ALDH1A1: variants seen among roughly 807,000 people sequenced by gnomAD.
ALDH1A1 encodes the protein aldehyde dehydrogenase 1 family member A1.
In ALDH1A1, 19 loss-of-function variants were observed where a neutral mutation model predicts 62.1. The observed-to-expected ratio is 0.31, with a 90% CI of 0.21 to 0.45. The LOEUF is 0.45. Among genes scored for constraint, ALDH1A1 ranks in the 20% least tolerant of loss-of-function variants. The pLI is 1.00. For missense variants in ALDH1A1, 521 were observed against 607.1 expected (o/e 0.86, Z 1.49); for synonymous variants, 231 against 215.9 (o/e 1.07, Z -0.61).
Position 72,924,082 on chromosome 9 carries a change from T to C in ALDH1A1, c.684A>G (p.Thr228=). Residue 228 remains threonine (T), a synonymous_variant, in exon 7 of 13, where the codon ACA becomes ACG. Transcript: ENST00000297785. ...VVNIVPGYGP[T]AGAAISSHMD... Reference sequence around the variant, plus strand: ...TGTGAGAAGAAATGGCTGCCCCTGCTGTAGGCCCATAACCAGGAACAATAT... The same window carrying C: ...TGTGAGAAGAAATGGCTGCCCCTGCCGTAGGCCCATAACCAGGAACAATAT... 1 of 1,613,470 alleles carries C rather than the reference T, an allele frequency of 6.2e-7. No homozygotes were observed. The highest frequency in any genetic ancestry group is 1.1e-5 in the South Asian group (1 of 91,034).
At chr9:72,911,397 T>C (rs1291643770) in intron 10 of ALDH1A1, among the ~76,000 whole-genome samples, 4 of 152,176 alleles carry the variant, frequency 2.6e-5, no homozygotes, top group Admixed American at 6.5e-5. Flanking sequence ...CTTAGCAATA[T>C]TCAAGTATAC....
intron 2 of ALDH1A1, among the ~76,000 whole-genome samples, chr9:72,939,443 CTT>C (rs1053766193): frequency 4.6e-5 from 7 of 151,976 alleles, no homozygotes; most frequent in Admixed American, 3.3e-4. Flanking sequence ...AATAAAATAA[CTT>C]AGTAATATAT....
At chr9:72,916,858 G>C in intron 9 of ALDH1A1, 62 bp downstream of exon 9, 1 of 1,370,294 alleles carries the variant, frequency 7.3e-7, no homozygotes, top group Non-Finnish European at 9.8e-7. Flanking sequence ...TAAAATCTAG[G>C]TCTAAAGAGG....
rs766026867 is a variant in ALDH1A1, at chr9:72,918,701, C to T, written c.850+19G>A. On this transcript the variant is annotated intron_variant, in intron 8 of 12. Coordinates refer to ENST00000297785, the MANE Select transcript of ALDH1A1 (RefSeq NM_000689.5). ...AAAACGATGAAGGACGAAAAGTTAA[C>T]AAAGTGGTTTCTACTCACAGTCGGC... 13 of 1,255,372 alleles carry T rather than the reference C, an allele frequency of 1.0e-5. No individual in the cohort carries two copies. In the South Asian group the frequency reaches 1.9e-4, roughly 18 times the overall value. The allele number at this position is 1,255,372 out of a possible 1,614,324, so 77.8% of individuals were successfully genotyped here. A position where few individuals can be genotyped will look rare whatever the true frequency, so the allele number is the denominator to read the frequency against.
intron 12 of ALDH1A1, among the ~76,000 whole-genome samples, chr9:72,901,800 T>C (rs942715460): frequency 6.6e-6 from 1 of 152,058 alleles, no homozygotes; most frequent in African/African-American, 2.4e-5. Context: ...GTATTTACCA[T>C]GTGTGATTGT....
At chr9:72,902,168 C>G (rs1260474656) in intron 12 of ALDH1A1, among the ~76,000 whole-genome samples, 1 of 151,946 alleles carries the variant, frequency 6.6e-6, no homozygotes, top group Non-Finnish European at 1.5e-5. Flanking sequence ...ATCTTGTTAT[C>G]AGGTTTATGG....
intron 2 of ALDH1A1, among the ~76,000 whole-genome samples, chr9:72,934,627 T>A (rs1028600503): frequency 2.2e-4 from 34 of 152,140 alleles, no homozygotes; most frequent in Non-Finnish European, 3.5e-4. Context: ...ACTTTCTAAA[T>A]CCTATATATA....
chr9:72,918,782 A>T lies in ALDH1A1; in HGVS notation c.788T>A (p.Leu263Gln). Residue 263 changes from leucine (L) to glutamine (Q), a missense_variant, in exon 8 of 13, where the codon CTG (leucine) becomes CAG (glutamine). Transcript: ENST00000297785. ...LIKEAAGKSN[L>Q]KRVTLELGGK... ...TCCAAGCTCCAGGGTCACCCTCTTC[A>T]GATTGCTTTTCCCGGCAGCTTCTTT... The T allele has an allele frequency of 6.2e-7, 1 of 1,614,048 alleles. No individual in the cohort carries two copies. The highest frequency in any genetic ancestry group is 8.5e-7 in the Non-Finnish European group (1 of 1,179,956).
chr9:72,911,774 G>T (rs113786983), intron 10 of ALDH1A1, among the ~76,000 whole-genome samples, 184 bp downstream of exon 10: 4 of 152,298 alleles, frequency 2.6e-5, no homozygotes, highest in African/African-American at 7.2e-5. Context: ...TGGCCCCATG[G>T]ATCCCTTACT....
intron 1 of ALDH1A1, chr9:72,942,438 AC>A: frequency 1.1e-6 from 1 of 912,114 alleles, no homozygotes; most frequent in Non-Finnish European, 1.3e-6. Flanking sequence ...ATCCCTAGGT[AC>A]CCTTTTGTAT....
At position 72,937,157 on chromosome 9, in the gene ALDH1A1, A is replaced by G. The variant is rs78707318; in HGVS notation, c.171+2991T>C. ...GTATGGAAATTCAACACTTGATGAAAAAGAAGACTACTTCATAGATTTATA... is the reference window on the plus strand; with the variant it reads ...GTATGGAAATTCAACACTTGATGAAGAAGAAGACTACTTCATAGATTTATA... On this transcript the variant is annotated intron_variant, in intron 2 of 12. Coordinates refer to ENST00000297785, the MANE Select transcript of ALDH1A1 (RefSeq NM_000689.5). Among the ~76,000 whole-genome samples, 85 of 152,298 alleles carry G rather than the reference A, an allele frequency of 5.6e-4. 3 individuals carry two copies. The East Asian group carries it at 0.014, about 25-fold the overall frequency.
At chr9:72,939,993 T>TTG (rs4070553) in intron 2 of ALDH1A1, among the ~76,000 whole-genome samples, 155 bp downstream of exon 2, 1 of 151,616 alleles carries the variant, frequency 6.6e-6, no homozygotes, top group Non-Finnish European at 1.5e-5. Context: ...TTTTTTTTTT[T>TTG]GGTAACAAGG....
intron 2 of ALDH1A1, among the ~76,000 whole-genome samples, chr9:72,939,840 C>T (rs1315890080): frequency 1.3e-5 from 2 of 152,008 alleles, no homozygotes; most frequent in African/African-American, 2.4e-5. Context: ...ACTTTATAAC[C>T]TATGATCAAT....
intron 1 of ALDH1A1, among the ~76,000 whole-genome samples, chr9:72,950,934 G>A (rs1830537192): frequency 6.6e-6 from 1 of 151,644 alleles, no homozygotes; most frequent in Non-Finnish European, 1.5e-5. Context: ...AACAAAAAAT[G>A]CGAAGGCATT....
At chr9:72,924,737 G>A (rs1830183187) in intron 6 of ALDH1A1, among the ~76,000 whole-genome samples, 1 of 152,110 alleles carries the variant, frequency 6.6e-6, no homozygotes, top group Admixed American at 6.6e-5. Context: ...GCATCGAAAT[G>A]TTTCATTTTG....
chr9:72,902,540 G>T (rs1313214126), intron 12 of ALDH1A1, among the ~76,000 whole-genome samples: 1 of 151,990 alleles, frequency 6.6e-6, no homozygotes, highest in Non-Finnish European at 1.5e-5. Context: ...AGCCTCAGTT[G>T]TCTGAAACCC....
intron 11 of ALDH1A1, among the ~76,000 whole-genome samples, chr9:72,908,667 T>C (rs922599376): frequency 5.3e-5 from 8 of 151,580 alleles, no homozygotes; most frequent in African/African-American, 1.9e-4. Flanking sequence ...GACTTAGTGT[T>C]GGGAAGGAAA....
chr9:72,930,667 T>C (rs1015133403), intron 3 of ALDH1A1, among the ~76,000 whole-genome samples: 1 of 152,226 alleles, frequency 6.6e-6, no homozygotes, highest in African/African-American at 2.4e-5. Context: ...GAATCTATTA[T>C]GGGAGCAGAA....
intron 11 of ALDH1A1, among the ~76,000 whole-genome samples, chr9:72,907,557 G>A (rs1370777660): frequency 6.6e-6 from 1 of 152,108 alleles, no homozygotes; most frequent in South Asian, 2.1e-4. Context: ...AGTGCAGAGA[G>A]TAAATTTGCT....
Sources: allele counts gnomAD v4.1 joint callset (sites outside exome capture counted in the v4.1 genomes callset), GRCh38; gene constraint gnomAD v4.1.1; transcripts MANE v1.5; gene names NCBI Gene and HGNC (gene_info 2026-07-23, HGNC 2026-07-21).